SEMA5A: variants seen among roughly 807,000 people sequenced by gnomAD.
SEMA5A encodes the protein semaphorin-5A.
Under a neutral mutation model 135.5 loss-of-function variants are expected in SEMA5A, and 55 were observed. The observed-to-expected ratio is 0.41, with a 90% CI of 0.33 to 0.51. The LOEUF is 0.51. SEMA5A is among the 20% of genes least tolerant of loss of function. The pLI, the probability that SEMA5A is intolerant of heterozygous loss-of-function variation, is 0.37. For synonymous variants in SEMA5A, 580 were observed against 546.5 expected (o/e 1.06, Z -0.85); for missense variants, 1,290 against 1,419.9 (o/e 0.91, Z 1.47).
At chr5:9,186,424 T>A (rs1279573117) in intron 11 of SEMA5A, among the ~76,000 whole-genome samples, 1 of 152,144 alleles carries the variant, frequency 6.6e-6, no homozygotes, top group African/African-American at 2.4e-5. Flanking sequence ...TTCCTCCCAT[T>A]TGCATGTGTT....
At chr5:9,507,782 A>T (rs1270990104) in intron 1 of SEMA5A, among the ~76,000 whole-genome samples, 2 of 152,112 alleles carry the variant, frequency 1.3e-5, no homozygotes, top group Non-Finnish European at 2.9e-5. Flanking sequence ...AGGCGGGCGG[A>T]TCACGAGGTC....
intron 4 of SEMA5A, among the ~76,000 whole-genome samples, chr5:9,337,342 G>A (rs1181884143): frequency 6.6e-6 from 1 of 152,178 alleles, no homozygotes; most frequent in Non-Finnish European, 1.5e-5. Flanking sequence ...TTGGAACCCA[G>A]GTCCATCTTT....
At chr5:9,505,726 G>T (rs1735846171) in intron 1 of SEMA5A, among the ~76,000 whole-genome samples, 1 of 152,208 alleles carries the variant, frequency 6.6e-6, no homozygotes, top group Non-Finnish European at 1.5e-5. Context: ...CAAGAGGAAG[G>T]CCAAATGGCC....
chr5:9,147,283 C>CTTTTCT (rs964170929), intron 12 of SEMA5A, among the ~76,000 whole-genome samples: 19 of 152,084 alleles, frequency 1.2e-4, no homozygotes, highest in Admixed American at 7.2e-4. Context: ...TGTCTTTTTC[C>CTTTTCT]TTTTCTTTTT....
intron 10 of SEMA5A, among the ~76,000 whole-genome samples, chr5:9,192,552 G>A (rs1277300908): frequency 6.9e-6 from 1 of 145,106 alleles, no homozygotes; most frequent in Admixed American, 6.9e-5. Flanking sequence ...AGGAAACAAT[G>A]AGTGAATACA....
chr5:9,372,711 G>A (rs1413778392), intron 3 of SEMA5A, among the ~76,000 whole-genome samples: 2 of 151,604 alleles, frequency 1.3e-5, no homozygotes, highest in Non-Finnish European at 2.9e-5. Context: ...GCCATGGGAG[G>A]CACTTAGATG....
intron 11 of SEMA5A, among the ~76,000 whole-genome samples, chr5:9,155,719 ACTTCAAGGC>A (rs1237864244): frequency 7.2e-5 from 11 of 152,176 alleles, no homozygotes; most frequent in Non-Finnish European, 4.4e-5. Context: ...AGAATATTTG[ACTTCAAGGC>A]CTCCTATCAA....
At chr5:9,342,984 C>T (rs541891009) in intron 3 of SEMA5A, among the ~76,000 whole-genome samples, 64 of 152,176 alleles carry the variant, frequency 4.2e-4, no homozygotes, top group Non-Finnish European at 7.9e-4. Flanking sequence ...AAAGAAAAAT[C>T]GACAGCCTCT....
At chr5:9,150,502 A>G (rs1320245996) in intron 12 of SEMA5A, among the ~76,000 whole-genome samples, 1 of 152,116 alleles carries the variant, frequency 6.6e-6, no homozygotes, top group Non-Finnish European at 1.5e-5. Flanking sequence ...ATCAAAACAC[A>G]ATTTTTTTAC....
chr5:9,435,022 G>A lies in SEMA5A; in HGVS notation c.-78+2734C>T, dbSNP rs901551726. ...ATGCCTTTAAGTATCAGAAGTATCC[G>A]TTTGTAATAAAAAAGAAAAATTTAA... On this transcript the variant is annotated intron_variant, in intron 2 of 22. Transcript: ENST00000382496. Among the ~76,000 whole-genome samples the A allele has an allele frequency of 5.3e-5, 8 of 152,044 alleles. No individual in the cohort carries two copies. The South Asian group carries it at 6.2e-4, about 12-fold the overall frequency.
intron 1 of SEMA5A, among the ~76,000 whole-genome samples, chr5:9,541,994 C>T (rs767027427): frequency 1.3e-5 from 2 of 152,144 alleles, no homozygotes; most frequent in East Asian, 3.8e-4. Flanking sequence ...AATTTTGAAT[C>T]GAAGCAAGTT....
chr5:9,484,069 C>G (rs775614291), intron 1 of SEMA5A, among the ~76,000 whole-genome samples: 2 of 152,196 alleles, frequency 1.3e-5, no homozygotes, highest in African/African-American at 4.8e-5. Context: ...AATCCTGCCA[C>G]TTCACAATAA....
At chr5:9,131,808 G>A (rs1390899231) in intron 13 of SEMA5A, among the ~76,000 whole-genome samples, 2 of 152,000 alleles carry the variant, frequency 1.3e-5, no homozygotes, top group East Asian at 3.9e-4. Context: ...CATATTTGTG[G>A]GGAGTGAACA....
intron 11 of SEMA5A, among the ~76,000 whole-genome samples, chr5:9,183,255 C>T (rs914405333): frequency 1.3e-5 from 2 of 152,098 alleles, no homozygotes; most frequent in African/African-American, 2.4e-5. Flanking sequence ...AGAAGCCTGC[C>T]CTTGGACAGC....
At chr5:9,248,672 T>C (rs1280725119) in intron 5 of SEMA5A, among the ~76,000 whole-genome samples, 2 of 152,096 alleles carry the variant, frequency 1.3e-5, no homozygotes, top group Non-Finnish European at 2.9e-5. Context: ...CATTCTCATA[T>C]GAAGCAGGCA....
chr5:9,310,741 C>T (rs972534434), intron 5 of SEMA5A, among the ~76,000 whole-genome samples: 2 of 150,272 alleles, frequency 1.3e-5, no homozygotes, highest in Admixed American at 6.7e-5. Context: ...GTAATTTAAA[C>T]ACAAGAATCC....
chr5:9,286,005 A>G (rs1344772295), intron 5 of SEMA5A, among the ~76,000 whole-genome samples: 2 of 152,240 alleles, frequency 1.3e-5, no homozygotes, highest in African/African-American at 4.8e-5. Context: ...AAAATACTGC[A>G]TGTGTTCCAT....
intron 16 of SEMA5A, 105 bp from the exon 17 acceptor site, chr5:9,066,751 T>C: frequency 1.1e-6 from 1 of 892,926 alleles, no homozygotes; most frequent in Non-Finnish European, 1.8e-6. Context: ...AAACACCAGC[T>C]CCTAAGACAC....
intron 11 of SEMA5A, among the ~76,000 whole-genome samples, chr5:9,166,395 A>T (rs1206367480): frequency 6.6e-6 from 1 of 152,138 alleles, no homozygotes. Context: ...CCTTCTCCCC[A>T]GTGCCCAGCT....
Sources: gnomAD v4.1 joint callset for allele counts (sites outside exome capture counted in the v4.1 genomes callset) on GRCh38, gnomAD v4.1.1 for gene constraint, MANE v1.5 for transcripts, NCBI Gene and HGNC (gene_info 2026-07-23, HGNC 2026-07-21) for gene names.